The following NTNG2 variants were observed in gnomAD, a reference collection of about 807,000 sequenced individuals.
The protein encoded by NTNG2 is netrin-G2.
NTNG2 carries 15 observed loss-of-function variants against 47.6 expected under a neutral mutation model. That is an observed-to-expected ratio of 0.32 (90% CI 0.21 to 0.49). The LOEUF (loss-of-function observed/expected upper bound fraction) is 0.49, where lower values mean the gene tolerates loss of function less well. Ranked by LOEUF, NTNG2 falls within the 20% of genes least tolerant of loss-of-function variation. NTNG2 has a pLI of 0.99. For synonymous variants in NTNG2, 307 were observed against 324.6 expected (o/e 0.95, Z 0.58); for missense variants, 578 against 764.6 (o/e 0.76, Z 2.88).
chr9:132,199,723 A>C (rs1838597196), intron 3 of NTNG2, among the ~76,000 whole-genome samples: 1 of 152,184 alleles, frequency 6.6e-6, no homozygotes, highest in Non-Finnish European at 1.5e-5. Context: ...CCTAGACAGG[A>C]CAGTCCAACG....
chr9:132,230,113 C>T lies in NTNG2; in HGVS notation c.1031-459C>T, dbSNP rs573706923. ...CCTGGCACGTGGGACGCACTCCACCCGCGGCAGCCGCTCCCATGGCTTCTC... is the reference window on the plus strand; with the variant it reads ...CCTGGCACGTGGGACGCACTCCACCTGCGGCAGCCGCTCCCATGGCTTCTC... On this transcript the variant is annotated intron_variant, in intron 4 of 7. Transcript: ENST00000393229. 2.7e-4 allele frequency among the ~76,000 whole-genome samples: 41 copies of T among 152,388 alleles called. 1 individual carries two copies. Among genetic ancestry groups the T allele is most frequent in the Middle Eastern group, 3.4e-3 (1 of 294 alleles).
chr9:132,184,722 G>A (rs191878791), intron 2 of NTNG2, among the ~76,000 whole-genome samples: 50 of 152,308 alleles, frequency 3.3e-4, no homozygotes, highest in Admixed American at 7.2e-4. Flanking sequence ...TCAGGAGTTC[G>A]AGACCAGCCT....
chr9:132,229,142 G>A (rs1330898127), intron 4 of NTNG2, among the ~76,000 whole-genome samples: 1 of 152,034 alleles, frequency 6.6e-6, no homozygotes, highest in African/African-American at 2.4e-5. Flanking sequence ...AGGAAGGAGG[G>A]GTTTCTTCTG....
chr9:132,170,466 G>A (rs549655990), intron 2 of NTNG2, among the ~76,000 whole-genome samples: 1 of 152,308 alleles, frequency 6.6e-6, no homozygotes, highest in Admixed American at 6.5e-5. Flanking sequence ...GCTGCAGGCC[G>A]AGAAGGAGGC....
intron 2 of NTNG2, among the ~76,000 whole-genome samples, chr9:132,168,875 G>A (rs915803003): frequency 4.6e-5 from 7 of 152,188 alleles, no homozygotes; most frequent in South Asian, 4.1e-4. Flanking sequence ...GCTTTGGGTC[G>A]AGGGCTTGAG....
At position 132,242,169 on chromosome 9, in the gene NTNG2, C is replaced by T. The variant is rs575489294; in HGVS notation, c.*58C>T. On this transcript the variant is annotated 3_prime_UTR_variant, in exon 8 of 8. Transcript: ENST00000393229. This position sits in a 1 kb window ranked among gnomAD's most constrained non-coding sequence, Gnocchi z 5.9. ...GGCCGGGGGTCCCGGGGTCCCGGGG[C>T]GGGGCCGGCGTCCGAGGCCGGGCGG... is the stretch of plus-strand genomic sequence containing the variant. 1.1e-5 allele frequency: 10 copies of T among 888,082 alleles called. No homozygotes were observed. In the Admixed American group the frequency reaches 4.3e-4, roughly 38 times the overall value. 55.0% of individuals were successfully genotyped at this position (888,082 alleles called of 1,614,324 possible).
chr9:132,195,091 TTTTC>T (rs1838177714), intron 2 of NTNG2, among the ~76,000 whole-genome samples: 1 of 152,236 alleles, frequency 6.6e-6, no homozygotes, highest in African/African-American at 2.4e-5. Context: ...GTGTTCGTTT[TTTTC>T]TTTCTTTCTC....
At chr9:132,174,246 G>A (rs1836217444) in intron 2 of NTNG2, among the ~76,000 whole-genome samples, 1 of 143,430 alleles carries the variant, frequency 7.0e-6, no homozygotes, top group South Asian at 2.3e-4. Context: ...GCCGCACCAT[G>A]CTGTGGATGA....
chr9:132,187,094 G>A (rs759155907), intron 2 of NTNG2, among the ~76,000 whole-genome samples: 8 of 152,240 alleles, frequency 5.3e-5, no homozygotes, highest in Non-Finnish European at 7.3e-5. Context: ...AGGCAGGTTC[G>A]AGAGGCAGCC....
Position 132,163,881 on chromosome 9 carries a change from TAAAAG to T in NTNG2, c.-484+1647_-484+1651del, listed in dbSNP as rs1418861721. On this transcript the variant is annotated intron_variant, in intron 1 of 7. Transcript: ENST00000393229. The surrounding 1 kb of genome is among the most constrained non-coding windows in gnomAD (Gnocchi z 7.2). ...GCCCCCCTTGGTTCCTGAGGACTCT[TAAAAG>T]AAAATAAAGCACATTGATTCTATTT... 1.3e-5 allele frequency among the ~76,000 whole-genome samples: 2 copies of T among 152,252 alleles called. No individual in the cohort carries two copies. The highest frequency in any genetic ancestry group is 1.3e-4 in the Admixed American group (2 of 15,288).
At chr9:132,176,009 A>G (rs960907299) in intron 2 of NTNG2, among the ~76,000 whole-genome samples, 4 of 152,146 alleles carry the variant, frequency 2.6e-5, no homozygotes, top group African/African-American at 9.7e-5. Flanking sequence ...ATTTTAAAAC[A>G]TTTTTAAAAC....
rs546247666 is a variant in NTNG2, at chr9:132,231,285, CTCCTT to C, written c.1054+693_1054+697del. On this transcript the variant is annotated intron_variant, in intron 5 of 7. Transcript: ENST00000393229. This position sits in a 1 kb window ranked among gnomAD's most constrained non-coding sequence, Gnocchi z 4.1. Reference sequence around the variant, plus strand: ...ACTCACAGGGTGCCAGGCACGGTCTCTCCTTTCAGCCTTGCAAACCCCTCCCCCTG... The same window carrying C: ...ACTCACAGGGTGCCAGGCACGGTCTCTCAGCCTTGCAAACCCCTCCCCCTG... The C allele has an allele frequency of 3.0e-4, 137 of 456,350 alleles. 1 individual carries two copies. The East Asian group carries it at 4.4e-3, about 15-fold the overall frequency. 28.3% of individuals were successfully genotyped at this position (456,350 alleles called of 1,614,324 possible). A position where few individuals can be genotyped will look rare whatever the true frequency, so the allele number is the denominator to read the frequency against.
intron 3 of NTNG2, among the ~76,000 whole-genome samples, chr9:132,216,161 G>T (rs1483710232): frequency 6.6e-6 from 1 of 152,148 alleles, no homozygotes; most frequent in Non-Finnish European, 1.5e-5. Context: ...ACACTCACCG[G>T]CCTTTAACCC....
intron 5 of NTNG2, among the ~76,000 whole-genome samples, chr9:132,238,161 C>G (rs919467044): frequency 6.6e-6 from 1 of 152,076 alleles, no homozygotes; most frequent in Non-Finnish European, 1.5e-5. Flanking sequence ...TGGGTGAGTA[C>G]TGTGTCCCTT....
intron 3 of NTNG2, 116 bp downstream of exon 3, chr9:132,198,725 G>A: frequency 8.9e-7 from 1 of 1,118,516 alleles, no homozygotes; most frequent in Admixed American, 2.6e-5. Flanking sequence ...CGGGTTCTTG[G>A]GATGTTACCT....
At chr9:132,191,639 T>G (rs553877798) in intron 2 of NTNG2, among the ~76,000 whole-genome samples, 1 of 152,118 alleles carries the variant, frequency 6.6e-6, no homozygotes, top group South Asian at 2.1e-4. Context: ...TGGCGCGATC[T>G]CGGCTCACTG....
At chr9:132,199,464 G>T (rs1360169205) in intron 3 of NTNG2, among the ~76,000 whole-genome samples, 1 of 152,348 alleles carries the variant, frequency 6.6e-6, no homozygotes, top group East Asian at 1.9e-4. Flanking sequence ...CTCCCAGTGG[G>T]GTTGTGCAGG....
rs1021105732 is a variant in NTNG2 at position 132,221,929 on chromosome 9, G to A, written c.858-4920G>A. ...AAAGTTGATGGCAATCTTTTCTTTC[G>A]GTAGCTGATATCTAAAAATATCCCT... On this transcript the variant is annotated intron_variant, in intron 3 of 7. Coordinates refer to ENST00000393229, the MANE Select transcript of NTNG2 (RefSeq NM_032536.4). This position sits in a 1 kb window ranked among gnomAD's most constrained non-coding sequence, Gnocchi z 4.2. Among the ~76,000 whole-genome samples, 7 of 152,182 alleles carry A rather than the reference G, an allele frequency of 4.6e-5. No homozygotes were observed. Among genetic ancestry groups the A allele is most frequent in the African/African-American group, 1.4e-4 (6 of 41,440 alleles).
In NTNG2 at chr9:132,208,568, C is replaced by T. The variant is rs556820004; in HGVS notation, c.857+9959C>T. Reference sequence around the variant, plus strand: ...GTGATGTGGGCCGCCTGGAGGTGGTCTTTGGTGGCAGTGTTGCTGAGTAGC... The same window carrying T: ...GTGATGTGGGCCGCCTGGAGGTGGTTTTTGGTGGCAGTGTTGCTGAGTAGC... On this transcript the variant is annotated intron_variant, in intron 3 of 7. Coordinates refer to ENST00000393229, the MANE Select transcript of NTNG2 (RefSeq NM_032536.4). The surrounding 1 kb of genome is among the most constrained non-coding windows in gnomAD (Gnocchi z 4.0). 6.6e-6 allele frequency among the ~76,000 whole-genome samples: 1 copy of T among 151,962 alleles called. No homozygotes were observed. Among genetic ancestry groups the T allele is most frequent in the East Asian group, 1.9e-4 (1 of 5,148 alleles).
Sources: allele counts gnomAD v4.1 joint callset (sites outside exome capture counted in the v4.1 genomes callset), GRCh38; gene constraint gnomAD v4.1.1; non-coding constraint Gnocchi (gnomAD v3.1); transcripts MANE v1.5; gene names NCBI Gene and HGNC (gene_info 2026-07-23, HGNC 2026-07-21).